MYOF: variants seen among roughly 807,000 people sequenced by gnomAD.
The protein encoded by MYOF is myoferlin.
MYOF carries 244 observed loss-of-function variants against 284.2 expected under a neutral mutation model. The observed-to-expected ratio is 0.86, with a 90% CI of 0.77 to 0.95. The LOEUF is 0.95. Among genes scored for constraint, MYOF ranks in the 40% least tolerant of loss-of-function variants. The pLI is 0.00. For missense variants in MYOF, 2,496 were observed against 2,560.6 expected (o/e 0.97, Z 0.54); for synonymous variants, 904 against 919.7 (o/e 0.98, Z 0.31).
intron 8 of MYOF, 28 bp from the exon 9 acceptor site, chr10:93,404,101 T>C: frequency 6.2e-7 from 1 of 1,614,062 alleles, no homozygotes; most frequent in Non-Finnish European, 8.5e-7. Context: ...AGTGAAGAAA[T>C]GATTGGCTTT....
Position 93,482,139 on chromosome 10 carries a change from T to G in MYOF, c.56A>C (p.Lys19Thr). ...AATGACAGAAACAATAGGATCCGGC[T>G]TGCCAAATTTCGTTTTAGGGATATT... is the stretch of plus-strand genomic sequence containing the variant. The part of the protein sequence containing the change: ...ASNIPKTKFG[K>T]PDPIVSVIFK... The change falls in exon 1 of 54, where the codon AAG (lysine) becomes ACG (threonine). Residue 19 changes from lysine (K) to threonine (T), a missense_variant. Lys to Thr is a moderately conservative substitution (Grantham distance 78). Around this residue, in one of 3 missense-constraint regions of MYOF, gnomAD observed 57 missense variants for 62.4 expected, o/e 0.91. Coordinates refer to ENST00000359263, the MANE Select transcript of MYOF (RefSeq NM_013451.4). 6.2e-7 allele frequency: 1 copy of G among 1,614,194 alleles called. No individual in the cohort carries two copies. The highest frequency in any genetic ancestry group is 1.3e-5 in the African/African-American group (1 of 75,068).
rs1256236155 is a variant in MYOF, at chr10:93,306,751, C to G, written c.*212G>C. On this transcript the variant is annotated 3_prime_UTR_variant, in exon 54 of 54. Transcript: ENST00000359263. ...ATGATTTAAACTTTAGAAAATAAAA[C>G]TTTTAATACTTAAGAGATAACATGA... The G allele has an allele frequency of 2.0e-6, 1 of 504,862 alleles. No homozygotes were observed. Among genetic ancestry groups the G allele is most frequent in the Admixed American group, 4.1e-5 (1 of 24,532 alleles). 31.3% of individuals were successfully genotyped at this position (504,862 alleles called of 1,614,324 possible).
chr10:93,331,096 T>C (rs1229237869), intron 43 of MYOF, among the ~76,000 whole-genome samples: 1 of 152,182 alleles, frequency 6.6e-6, no homozygotes, highest in Non-Finnish European at 1.5e-5. Context: ...TACTAAGGAA[T>C]ATTTTTTTTT....
At position 93,355,665 on chromosome 10, in the gene MYOF, G is replaced by T; in HGVS notation, c.3366C>A (p.Phe1122Leu). The T allele has an allele frequency of 6.2e-7, 1 of 1,612,496 alleles. No individual in the cohort carries two copies. Among genetic ancestry groups the T allele is most frequent in the Non-Finnish European group, 8.5e-7 (1 of 1,178,902 alleles). ...AGGAAACAATGGGGGTGTTTGCTCC[G>T]AACACAGTGGTGGCACTGTGCTTCT... The part of the protein sequence containing the change: ...EKQKHSATTV[F>L]GANTPIVSCN... Residue 1122 changes from phenylalanine (F) to leucine (L), a missense_variant, in exon 31 of 54, where the codon TTC becomes TTA. Around this residue, in one of 3 missense-constraint regions of MYOF, gnomAD observed 2,436 missense variants for 2,480.7 expected, o/e 0.98. Transcript: ENST00000359263.
chr10:93,443,569 C>T (rs892247577), intron 3 of MYOF, among the ~76,000 whole-genome samples: 2 of 151,948 alleles, frequency 1.3e-5, no homozygotes, highest in Non-Finnish European at 2.9e-5. Flanking sequence ...CATCTCTAGA[C>T]TCCCACCTGC....
intron 36 of MYOF, among the ~76,000 whole-genome samples, chr10:93,349,145 A>G (rs1377497844): frequency 6.6e-6 from 1 of 151,538 alleles, no homozygotes; most frequent in Non-Finnish European, 1.5e-5. Context: ...ATAGAGTAAA[A>G]AAGAAAGATT....
rs747164195 is a variant in MYOF at position 93,408,802 on chromosome 10, G to T, written c.714C>A (p.Asn238Lys). Reference sequence around the variant, plus strand: ...ACCCCTTTACCTCATCAAAAAAAGGGTTGTTTCCTCTCTTGATTCTTGTTC... The same window carrying T: ...ACCCCTTTACCTCATCAAAAAAAGGTTTGTTTCCTCTCTTGATTCTTGTTC... The part of the protein sequence containing the change: ...THRTRIKRGN[N>K]PFFDELFFYN... The change falls in exon 7 of 54, where the codon AAC (asparagine) becomes AAA (lysine). Residue 238 changes from asparagine (N) to lysine (K), a missense_variant. Asn to Lys is a moderately conservative substitution (Grantham distance 94). This residue lies in a region of MYOF where 2,436 missense variants were observed against 2,480.7 expected (regional missense o/e 0.98). Transcript: ENST00000359263. 1 of 1,614,160 alleles carries T rather than the reference G, an allele frequency of 6.2e-7. No homozygotes were observed. Among genetic ancestry groups the T allele is most frequent in the South Asian group, 1.1e-5 (1 of 91,082 alleles).
Position 93,431,407 on chromosome 10 carries a change from C to T in MYOF, c.345+1G>A, listed in dbSNP as rs1015364529. On this transcript the variant is annotated splice_donor_variant, in intron 4 of 53. Coordinates refer to ENST00000359263, the MANE Select transcript of MYOF (RefSeq NM_013451.4). LOFTEE classifies it high-confidence loss of function. The stretch of plus-strand genomic sequence containing the variant: ...CATTCAATAAGAGAGAAAACACTCA[C>T]CCCAGTATCTTGCCCTTTTTCATTT... The T allele has an allele frequency of 1.9e-6, 3 of 1,612,896 alleles. No homozygotes were observed. Among genetic ancestry groups the T allele is most frequent in the Non-Finnish European group, 1.7e-6 (2 of 1,179,036 alleles).
intron 5 of MYOF, among the ~76,000 whole-genome samples, chr10:93,412,517 C>A (rs1847936257): frequency 1.3e-5 from 2 of 152,070 alleles, no homozygotes; most frequent in Non-Finnish European, 2.9e-5. Flanking sequence ...TCCAACATGC[C>A]CTCCCCACCT....
At position 93,361,491 on chromosome 10, in the gene MYOF, C is replaced by T. The variant is rs749150211; in HGVS notation, c.2935G>A (p.Ala979Thr). ...GCTCGATTTATGTCATAAGACCATG[C>T]ATCATCTTCCCATTCCCAACCTGGA... ...CPPGWEWEDD[A>T]WSYDINRAVD... is the part of the protein sequence containing the mutation. The change falls in exon 28 of 54, where the codon GCA (alanine) becomes ACA (threonine). Residue 979 changes from alanine to threonine, a missense_variant. Ala to Thr is a moderately conservative substitution (Grantham distance 58). Coordinates refer to ENST00000359263, the MANE Select transcript of MYOF (RefSeq NM_013451.4). The T allele has an allele frequency of 1.2e-6, 2 of 1,614,220 alleles. No individual in the cohort carries two copies. Among genetic ancestry groups the T allele is most frequent in the Non-Finnish European group, 8.5e-7 (1 of 1,180,038 alleles).
rs998281022 is a variant in MYOF at position 93,310,724 on chromosome 10, A to T, written c.5890-81T>A. 15 of 1,292,046 alleles carry T rather than the reference A, an allele frequency of 1.2e-5. No homozygotes were observed. The East Asian group carries it at 3.3e-4, about 29-fold the overall frequency. 80.0% of individuals were successfully genotyped at this position (1,292,046 alleles called of 1,614,324 possible). A position where few individuals can be genotyped will look rare whatever the true frequency, so the allele number is the denominator to read the frequency against. ...ACTTCAACCCAAGGAGTATTCCCCG[A>T]GCAATGATTTTTATTCTTGTAAAAC... On this transcript the variant is annotated intron_variant, in intron 51 of 53. Coordinates refer to ENST00000359263, the MANE Select transcript of MYOF (RefSeq NM_013451.4).
chr10:93,473,228 A>G (rs12146287), intron 1 of MYOF, among the ~76,000 whole-genome samples: 51,637 of 152,178 alleles, frequency 0.34, 11,416 homozygotes, highest in South Asian at 0.54. Flanking sequence ...TAATCCCTGG[A>G]AGGAGACAGG....
intron 1 of MYOF, among the ~76,000 whole-genome samples, chr10:93,473,066 C>A (rs1000380182): frequency 2.0e-5 from 3 of 152,364 alleles, no homozygotes; most frequent in Admixed American, 1.3e-4. Context: ...CAAAGACACC[C>A]AGCTCCTAGG....
chr10:93,427,754 C>T (rs1848662893), intron 4 of MYOF, among the ~76,000 whole-genome samples: 1 of 151,900 alleles, frequency 6.6e-6, no homozygotes, highest in Admixed American at 6.6e-5. Flanking sequence ...CTTTCACTAC[C>T]AACAGAAGGA....
chr10:93,327,301 A>G (rs1250844470), intron 45 of MYOF, among the ~76,000 whole-genome samples: 1 of 152,062 alleles, frequency 6.6e-6, no homozygotes, highest in Admixed American at 6.5e-5. Flanking sequence ...GCCTCAGCCA[A>G]CATCTGACTG....
intron 50 of MYOF, among the ~76,000 whole-genome samples, chr10:93,316,291 G>A (rs976948817): frequency 2.6e-5 from 4 of 151,832 alleles, no homozygotes; most frequent in African/African-American, 4.8e-5. Context: ...TTGAACTAGT[G>A]CCCTTACCAC....
intron 50 of MYOF, among the ~76,000 whole-genome samples, 182 bp from the exon 51 acceptor site, chr10:93,313,392 C>T (rs1200560663): frequency 2.0e-5 from 3 of 152,028 alleles, no homozygotes; most frequent in Admixed American, 6.6e-5. Context: ...GGAAAATGGC[C>T]GAAGAAATAG....
intron 1 of MYOF, among the ~76,000 whole-genome samples, chr10:93,478,832 A>AGAAAG (rs1554875932): frequency 1.1e-5 from 1 of 93,654 alleles, no homozygotes; most frequent in African/African-American, 4.7e-5. Flanking sequence ...TCTCAAAAAA[A>AGAAAG]AAAAAAAAAA....
At chr10:93,373,913 A>G (rs545036515) in intron 23 of MYOF, among the ~76,000 whole-genome samples, 2 of 152,248 alleles carry the variant, frequency 1.3e-5, no homozygotes, top group African/African-American at 2.4e-5. Context: ...CACAATGTGC[A>G]GGTTTGTTAC....
Sources: allele counts gnomAD v4.1 joint callset (sites outside exome capture counted in the v4.1 genomes callset), GRCh38; gene constraint gnomAD v4.1.1; regional missense constraint gnomAD v4.1.1; transcripts MANE v1.5; gene names NCBI Gene and HGNC (gene_info 2026-07-23, HGNC 2026-07-21).